The following RAB38 variants were observed in gnomAD, a reference collection of about 807,000 sequenced individuals.
The protein encoded by RAB38 is ras-related protein Rab-38.
Under a neutral mutation model 18.4 loss-of-function variants are expected in RAB38, and 15 were observed. That is an observed-to-expected ratio of 0.82 (90% confidence interval 0.55 to 1.26). RAB38 has a LOEUF of 1.26. Among genes scored for constraint, RAB38 ranks in the 50% most tolerant of loss-of-function variants. The pLI is 0.00. For synonymous variants in RAB38, 101 were observed against 104.4 expected (o/e 0.97, Z 0.20); for missense variants, 294 against 267.4 (o/e 1.10, Z -0.69).
chr11:88,076,295 A>G, the RAB38 span, among the ~76,000 whole-genome samples: 1 of 152,252 alleles, frequency 6.6e-6, no homozygotes, highest in South Asian at 2.1e-4. Flanking sequence ...AAGACCATAC[A>G]TAACAAACCT....
chr11:87,939,055 T>C, the RAB38 span, among the ~76,000 whole-genome samples: 1 of 152,108 alleles, frequency 6.6e-6, no homozygotes, highest in African/African-American at 2.4e-5. Context: ...TTTTAGAGTA[T>C]TTGGCATTGC....
chr11:87,960,672 C>T, the RAB38 span, among the ~76,000 whole-genome samples: 2 of 152,170 alleles, frequency 1.3e-5, no homozygotes, highest in Non-Finnish European at 2.9e-5. Flanking sequence ...GACTAACCTG[C>T]ATTTCGGTTA....
chr11:87,811,601 C>G, the RAB38 span, among the ~76,000 whole-genome samples: 1 of 152,116 alleles, frequency 6.6e-6, no homozygotes, highest in African/African-American at 2.4e-5. Context: ...TAGAATCTTT[C>G]AGGGGCTGCT....
intron 2 of RAB38, among the ~76,000 whole-genome samples, chr11:88,120,294 G>C (rs1942613015): frequency 6.6e-6 from 1 of 151,988 alleles, no homozygotes; most frequent in South Asian, 2.1e-4. Context: ...GGGATAGTAA[G>C]GGTCAGAACC....
the RAB38 span, among the ~76,000 whole-genome samples, chr11:88,052,901 CATATATATATATATATAT>C: frequency 9.3e-5 from 2 of 21,510 alleles, no homozygotes; most frequent in East Asian, 1.9e-3. Context: ...GAAAAAATTT[CATATATATATATATATAT>C]ATATATATAT....
At chr11:88,020,833 T>A in the RAB38 span, among the ~76,000 whole-genome samples, 2 of 152,042 alleles carry the variant, frequency 1.3e-5, no homozygotes, top group Admixed American at 1.3e-4. Context: ...TTAAACAATA[T>A]GCTCCCAAAC....
the RAB38 span, among the ~76,000 whole-genome samples, chr11:87,959,619 C>G: frequency 2.0e-5 from 3 of 152,190 alleles, no homozygotes. Context: ...ATTCTCCAGC[C>G]TCCCACCAGT....
At chr11:88,031,607 C>A in the RAB38 span, among the ~76,000 whole-genome samples, 1 of 151,982 alleles carries the variant, frequency 6.6e-6, no homozygotes, top group Non-Finnish European at 1.5e-5. Flanking sequence ...AGAGCCAAAT[C>A]ATGAGTGAAC....
At chr11:88,087,620 T>C in the RAB38 span, among the ~76,000 whole-genome samples, 1 of 151,958 alleles carries the variant, frequency 6.6e-6, no homozygotes, top group African/African-American at 2.4e-5. Context: ...TATTGGCTCT[T>C]GGTAAACCCA....
the RAB38 span, among the ~76,000 whole-genome samples, chr11:87,941,214 G>GATAGATATATATATATATATAT: frequency 1.3e-4 from 8 of 62,538 alleles, no homozygotes; most frequent in African/African-American, 3.1e-4. Context: ...AAATATATGA[G>GATAGATATATATATATATATAT]ATATATATAT....
At chr11:88,010,179 G>A in the RAB38 span, among the ~76,000 whole-genome samples, 1 of 152,008 alleles carries the variant, frequency 6.6e-6, no homozygotes, top group African/African-American at 2.4e-5. Flanking sequence ...TTTAGACTAG[G>A]GATGCTTTAT....
the RAB38 span, among the ~76,000 whole-genome samples, chr11:88,106,633 G>A: frequency 0.22 from 33,054 of 151,896 alleles, 5,196 homozygotes; most frequent in African/African-American, 0.41. Flanking sequence ...CTAAAAGTCA[G>A]TCAAATTGAA....
intron 1 of RAB38, among the ~76,000 whole-genome samples, chr11:88,155,681 T>C (rs1943116719): frequency 6.6e-6 from 1 of 152,112 alleles, no homozygotes; most frequent in African/African-American, 2.4e-5. Context: ...CCAGCAAAGG[T>C]CCCTAATGAA....
chr11:88,072,250 C>T, the RAB38 span, among the ~76,000 whole-genome samples: 2 of 152,122 alleles, frequency 1.3e-5, no homozygotes, highest in African/African-American at 2.4e-5. Context: ...ATAATAAACG[C>T]AATACCAAGA....
At chr11:88,045,390 A>G in the RAB38 span, among the ~76,000 whole-genome samples, 1 of 152,178 alleles carries the variant, frequency 6.6e-6, no homozygotes, top group South Asian at 2.1e-4. Flanking sequence ...TATCTCCAGC[A>G]CAGAAGAACT....
At chr11:88,076,836 A>G in the RAB38 span, among the ~76,000 whole-genome samples, 27 of 150,082 alleles carry the variant, frequency 1.8e-4, no homozygotes, top group Non-Finnish European at 3.7e-4. Context: ...GTGCAAGCCT[A>G]TAATCCCAGC....
At chr11:87,929,137 A>G in the RAB38 span, among the ~76,000 whole-genome samples, 1 of 152,064 alleles carries the variant, frequency 6.6e-6, no homozygotes, top group African/African-American at 2.4e-5. Context: ...AAAAAAAGTA[A>G]AAGCTCTTCA....
At chr11:87,968,432 G>A in the RAB38 span, among the ~76,000 whole-genome samples, 1 of 152,140 alleles carries the variant, frequency 6.6e-6, no homozygotes, top group Non-Finnish European at 1.5e-5. Context: ...TGTGGTCAAA[G>A]AGAAGTGATC....
At chr11:87,870,785 G>A in the RAB38 span, among the ~76,000 whole-genome samples, 1 of 151,572 alleles carries the variant, frequency 6.6e-6, no homozygotes, top group Non-Finnish European at 1.5e-5. Context: ...GGTTGAAAGT[G>A]ACAACCTTAT....
Sources: allele counts gnomAD v4.1 joint callset (sites outside exome capture counted in the v4.1 genomes callset), GRCh38; gene constraint gnomAD v4.1.1; transcripts MANE v1.5; gene names NCBI Gene and HGNC (gene_info 2026-07-23, HGNC 2026-07-21).